Variants in DNM2 observed in about 807,000 individuals in gnomAD.
The protein encoded by DNM2 is dynamin 2, also known as dynamin-2.
In DNM2, 15 loss-of-function variants were observed where a neutral mutation model predicts 99.0. The ratio of observed to expected loss-of-function variants is 0.15; its 90% CI spans 0.10 to 0.23. DNM2 has a LOEUF of 0.23. Ranked by LOEUF, DNM2 falls within the 10% of genes least tolerant of loss-of-function variation. The probability of loss-of-function intolerance (pLI) is 1.00; values close to 1 mark genes in which losing one functional copy is unlikely to be tolerated. For synonymous variants in DNM2, 525 were observed against 481.2 expected (o/e 1.09, Z -1.19); for missense variants, 742 against 1,189.4 (o/e 0.62, Z 5.53).
chr19:10,719,683 A>G (rs1196898756), intron 1 of DNM2, among the ~76,000 whole-genome samples: 1 of 152,168 alleles, frequency 6.6e-6, no homozygotes, highest in Non-Finnish European at 1.5e-5. Context: ...CTGCCAAATG[A>G]TAACATCCTC....
At chr19:10,753,269 G>A (rs1166385557) in intron 1 of DNM2, among the ~76,000 whole-genome samples, 12 of 152,090 alleles carry the variant, frequency 7.9e-5, no homozygotes, top group Non-Finnish European at 1.5e-4. Flanking sequence ...CAAAGATGTC[G>A]GAAAACATGC....
chr19:10,758,911 A>G (rs945432884), intron 1 of DNM2, among the ~76,000 whole-genome samples: 3 of 151,882 alleles, frequency 2.0e-5, no homozygotes, highest in African/African-American at 4.8e-5. Context: ...AAATCGATCC[A>G]TTTCAGAATT....
rs74922747 is a variant in DNM2 at position 10,816,648 on chromosome 19, G to A, written c.1672-3332G>A. ...GAAACCAGCCTGCGCTGTGGTGTGTGGGCTGTCAGGCCGGCTGAGAGCTGG... is the reference window on the plus strand; with the variant it reads ...GAAACCAGCCTGCGCTGTGGTGTGTAGGCTGTCAGGCCGGCTGAGAGCTGG... On this transcript the variant is annotated intron_variant, in intron 15 of 20. Transcript: ENST00000389253. This position sits in a 1 kb window ranked among gnomAD's most constrained non-coding sequence, Gnocchi z 4.6. Among the ~76,000 whole-genome samples, 1,405 of 152,292 alleles carry A rather than the reference G, an allele frequency of 9.2e-3. 14 individuals carry two copies. Among genetic ancestry groups the A allele is most frequent in the African/African-American group, 0.033 (1,351 of 41,566 alleles).
intron 13 of DNM2, 57 bp from the exon 14 acceptor site, chr19:10,808,510 CTT>C (rs2072432237): frequency 1.3e-6 from 2 of 1,597,930 alleles, no homozygotes; most frequent in East Asian, 2.2e-5. Context: ...CCTTCCATCT[CTT>C]TTCCTTTGCC....
At chr19:10,807,970 C>T (rs1004603438) in intron 13 of DNM2, among the ~76,000 whole-genome samples, 3 of 151,254 alleles carry the variant, frequency 2.0e-5, no homozygotes, top group African/African-American at 7.3e-5. Context: ...TGGTGAAACC[C>T]CGTCTCTACT....
Position 10,795,268 on chromosome 19 carries a change from T to A in DNM2, c.1129-104T>A. 9.3e-7 allele frequency: 1 copy of A among 1,070,354 alleles called. No individual in the cohort carries two copies. Among genetic ancestry groups the A allele is most frequent in the Non-Finnish European group, 1.4e-6 (1 of 689,730 alleles). 66.3% of individuals were successfully genotyped at this position (1,070,354 alleles called of 1,614,324 possible). Reference sequence around the variant, plus strand: ...ATTTTGACGAGTTAAATATTCTGCCTTGTGAATATAGCCACACGTGGGAGA... The same window carrying A: ...ATTTTGACGAGTTAAATATTCTGCCATGTGAATATAGCCACACGTGGGAGA... On this transcript the variant is annotated intron_variant, in intron 8 of 20. Transcript: ENST00000389253. This position sits in a 1 kb window ranked among gnomAD's most constrained non-coding sequence, Gnocchi z 4.2.
intron 18 of DNM2, among the ~76,000 whole-genome samples, chr19:10,828,267 T>A (rs2073213737): frequency 7.1e-6 from 1 of 140,532 alleles, no homozygotes; most frequent in Admixed American, 7.1e-5. Context: ...GGTGACAGAG[T>A]GAGACTCTGT....
intron 1 of DNM2, among the ~76,000 whole-genome samples, chr19:10,721,409 G>A (rs895589610): frequency 8.5e-5 from 13 of 152,064 alleles, no homozygotes; most frequent in Non-Finnish European, 1.8e-4. Flanking sequence ...CGCCCACCTC[G>A]GCCACCCAAA....
At chr19:10,751,929 A>G (rs2070210107) in intron 1 of DNM2, among the ~76,000 whole-genome samples, 1 of 152,274 alleles carries the variant, frequency 6.6e-6, no homozygotes, top group South Asian at 2.1e-4. Context: ...CCATGAGAGC[A>G]CACCTGAACA....
intron 1 of DNM2, among the ~76,000 whole-genome samples, chr19:10,739,861 CAAAAAAA>C (rs59755624): frequency 0.011 from 347 of 32,648 alleles, 10 homozygotes; most frequent in Admixed American, 0.095. Context: ...CTCTCTCTCT[CAAAAAAA>C]AAAAAAAAAA....
At chr19:10,781,730 C>G (rs914290158) in intron 5 of DNM2, 1 of 152,158 alleles carries the variant, frequency 6.6e-6, no homozygotes, top group African/African-American at 2.4e-5. Flanking sequence ...GCCTGGGCAG[C>G]AAGAGTGAAA....
At chr19:10,825,937 A>T (rs2073129979) in intron 18 of DNM2, among the ~76,000 whole-genome samples, 1 of 151,316 alleles carries the variant, frequency 6.6e-6, no homozygotes, top group African/African-American at 2.4e-5. Context: ...TGGGAGGCTG[A>T]GGCAGGAGGA....
At chr19:10,729,181 A>T (rs929215055) in intron 1 of DNM2, among the ~76,000 whole-genome samples, 3 of 123,830 alleles carry the variant, frequency 2.4e-5, no homozygotes, top group Admixed American at 1.5e-4. Flanking sequence ...AAAAAAAAAA[A>T]AAAAAAAAAT....
In DNM2 at chr19:10,817,589, C is replaced by T; in HGVS notation, c.1672-2391C>T. 1 of 359,942 alleles carries T rather than the reference C, an allele frequency of 2.8e-6. No homozygotes were observed. Among genetic ancestry groups the T allele is most frequent in the Non-Finnish European group, 5.7e-6 (1 of 176,448 alleles). 22.3% of individuals were successfully genotyped at this position (359,942 alleles called of 1,614,324 possible). ...CAGCACCTCTGAGCAGCCAAGGAAA[C>T]CACCACTCTTCCCGAGACGATCCGC... On this transcript the variant is annotated intron_variant, in intron 15 of 20. Transcript: ENST00000389253. This position sits in a 1 kb window ranked among gnomAD's most constrained non-coding sequence, Gnocchi z 4.6.
At chr19:10,790,521 G>A (rs1416876348) in intron 7 of DNM2, among the ~76,000 whole-genome samples, 1 of 152,108 alleles carries the variant, frequency 6.6e-6, no homozygotes, top group African/African-American at 2.4e-5. Flanking sequence ...CACCCAGGCT[G>A]AAGCGCAGTG....
rs1486350616 is a variant in DNM2, at chr19:10,772,084, T to TTTAG, written c.236-393_236-392insAGTT. ...ATTTTATTTTATTTTATTTTATTTA[T>TTTAG]TTTTTTATTTTTTTGAGATGGAGTC... On this transcript the variant is annotated intron_variant, in intron 2 of 20. Transcript: ENST00000389253. This position sits in a 1 kb window ranked among gnomAD's most constrained non-coding sequence, Gnocchi z 4.9. 9.1e-6 allele frequency among the ~76,000 whole-genome samples: 1 copy of TTTAG among 110,370 alleles called. No homozygotes were observed. The highest frequency in any genetic ancestry group is 1.9e-5 in the Non-Finnish European group (1 of 51,720). The allele number at this position is 110,370 out of a possible 152,430, so 72.4% of individuals were successfully genotyped here.
chr19:10,729,288 G>A (rs1744255072), intron 1 of DNM2, among the ~76,000 whole-genome samples: 1 of 151,992 alleles, frequency 6.6e-6, no homozygotes, highest in Admixed American at 6.6e-5. Context: ...GTGATCCGAG[G>A]TGGAGGTTGC....
chr19:10,831,825 T>C lies in DNM2; in HGVS notation c.*778T>C. ...TCTCTGAGGAGACCTCACCCACTCCTCGCTCAGTTTGACCACTGTAAGTGC... is the reference window on the plus strand; with the variant it reads ...TCTCTGAGGAGACCTCACCCACTCCCCGCTCAGTTTGACCACTGTAAGTGC... On this transcript the variant is annotated 3_prime_UTR_variant, in exon 21 of 21. Transcript: ENST00000389253. The surrounding 1 kb of genome is among the most constrained non-coding windows in gnomAD (Gnocchi z 4.3). 2 of 990,114 alleles carry C rather than the reference T, an allele frequency of 2.0e-6. No homozygotes were observed. The highest frequency in any genetic ancestry group is 2.4e-6 in the Non-Finnish European group (2 of 832,784). The allele number at this position is 990,114 out of a possible 1,614,324, so 61.3% of individuals were successfully genotyped here.
intron 5 of DNM2, chr19:10,781,857 C>T (rs1458963864): frequency 6.6e-6 from 1 of 151,950 alleles, no homozygotes; most frequent in Non-Finnish European, 1.5e-5. Context: ...TTTTCTCCCC[C>T]ATATACTGAA....
Sources: gnomAD v4.1 joint callset for allele counts (sites outside exome capture counted in the v4.1 genomes callset) on GRCh38, gnomAD v4.1.1 for gene constraint, Gnocchi (gnomAD v3.1) non-coding constraint, MANE v1.5 for transcripts, NCBI Gene and HGNC (gene_info 2026-07-23, HGNC 2026-07-21) for gene names.